Variants in PHACTR1 observed in about 807,000 individuals in gnomAD.
PHACTR1 encodes phosphatase and actin regulator 1, also known as RPEL repeat containing 1.
A neutral mutation model predicts 69.2 loss-of-function variants in PHACTR1; 16 were observed. The observed-to-expected ratio is 0.23, with a 90% confidence interval of 0.16 to 0.35. The LOEUF is 0.35. Among genes scored for constraint, PHACTR1 ranks in the 10% least tolerant of loss-of-function variants. The pLI is 1.00. For synonymous variants in PHACTR1, 312 were observed against 284.5 expected (o/e 1.10, Z -0.97); for missense variants, 510 against 734.7 (o/e 0.69, Z 3.54).
chr6:12,827,410 C>T (rs920084634), intron 4 of PHACTR1, among the ~76,000 whole-genome samples: 9 of 152,156 alleles, frequency 5.9e-5, no homozygotes, highest in Non-Finnish European at 1.3e-4. Context: ...CCTCTTAGAG[C>T]TTACACAAAG....
chr6:13,025,381 C>G (rs1233630457), intron 4 of PHACTR1, among the ~76,000 whole-genome samples: 1 of 152,212 alleles, frequency 6.6e-6, no homozygotes, highest in African/African-American at 2.4e-5. Context: ...CGCCCATATA[C>G]AAACCAGATA....
intron 5 of PHACTR1, among the ~76,000 whole-genome samples, chr6:13,091,801 G>T (rs768303344): frequency 8.6e-5 from 13 of 151,872 alleles, no homozygotes; most frequent in Non-Finnish European, 1.5e-4. Flanking sequence ...AATAGGGTTC[G>T]CAATTCTTTT....
At chr6:13,224,128 G>A (rs1355557442) in intron 8 of PHACTR1, among the ~76,000 whole-genome samples, 1 of 152,210 alleles carries the variant, frequency 6.6e-6, no homozygotes, top group Non-Finnish European at 1.5e-5. Flanking sequence ...CTTTGTGTCA[G>A]GCACGATACT....
intron 5 of PHACTR1, among the ~76,000 whole-genome samples, chr6:13,083,855 T>G (rs1425318344): frequency 6.6e-6 from 1 of 152,144 alleles, no homozygotes; most frequent in Non-Finnish European, 1.5e-5. Context: ...GCTGAGATGA[T>G]GGGGTTTTCT....
chr6:12,934,291 G>A lies in PHACTR1; in HGVS notation c.251-119074G>A, dbSNP rs76536385. 4.9e-4 allele frequency among the ~76,000 whole-genome samples: 75 copies of A among 152,272 alleles called. 3 individuals carry two copies. In the East Asian group the frequency reaches 0.014, roughly 29 times the overall value. ...TAAAGTCACCAGTCAAATTATATTA[G>A]GACCTAACCTAACGACCTTGTTTTA... On this transcript the variant is annotated intron_variant, in intron 4 of 14. Transcript: ENST00000332995.
intron 4 of PHACTR1, among the ~76,000 whole-genome samples, chr6:12,765,773 T>A (rs116496256): frequency 6.6e-6 from 1 of 152,226 alleles, no homozygotes; most frequent in Admixed American, 6.5e-5. Flanking sequence ...TGATTTTTAC[T>A]CATGTTATAT....
rs374028559 is a variant in PHACTR1 at position 13,272,957 on chromosome 6, G to A, written c.1447+42G>A. 2.4e-4 allele frequency: 393 copies of A among 1,609,626 alleles called. 1 individual carries two copies. The highest frequency in any genetic ancestry group is 8.3e-4 in the Middle Eastern group (5 of 6,036). On this transcript the variant is annotated intron_variant, in intron 11 of 14. Coordinates refer to ENST00000332995, the MANE Select transcript of PHACTR1 (RefSeq NM_030948.6). Reference sequence around the variant, plus strand: ...ATGGCAATCCCTGATGTTTTGTGGCGGCTTTTGTTATTATTTAATGGTAGG... The same window carrying A: ...ATGGCAATCCCTGATGTTTTGTGGCAGCTTTTGTTATTATTTAATGGTAGG...
intron 14 of PHACTR1, 149 bp downstream of exon 14, chr6:13,286,371 T>C: frequency 1.5e-6 from 1 of 655,970 alleles, no homozygotes. Flanking sequence ...GGTTCCACTT[T>C]AGGTTACTGA....
At chr6:12,802,882 T>A (rs1773875921) in intron 4 of PHACTR1, among the ~76,000 whole-genome samples, 1 of 152,226 alleles carries the variant, frequency 6.6e-6, no homozygotes, top group South Asian at 2.1e-4. Context: ...CTGCAAGTTT[T>A]GAGTTTGGTT....
chr6:12,972,353 C>G (rs1450871330), intron 4 of PHACTR1, among the ~76,000 whole-genome samples: 3 of 152,214 alleles, frequency 2.0e-5, no homozygotes, highest in African/African-American at 7.2e-5. Context: ...GATTGCCCAG[C>G]ATTAATTCCT....
intron 5 of PHACTR1, among the ~76,000 whole-genome samples, chr6:13,149,284 G>A (rs1034025228): frequency 2.0e-5 from 3 of 152,156 alleles, no homozygotes; most frequent in Non-Finnish European, 4.4e-5. Context: ...CGGTGAAACT[G>A]AGTTACACTG....
chr6:13,280,858 C>T (rs994613191), intron 12 of PHACTR1: 4 of 870,608 alleles, frequency 4.6e-6, no homozygotes, highest in South Asian at 1.4e-5. Context: ...CCAGATGCCC[C>T]GAAGGCTACA....
chr6:12,754,194 C>G (rs1767003855), intron 4 of PHACTR1, among the ~76,000 whole-genome samples: 1 of 144,672 alleles, frequency 6.9e-6, no homozygotes, highest in Non-Finnish European at 1.5e-5. Context: ...AAGATGGTCT[C>G]GATCTCCTGA....
At chr6:13,201,482 C>A (rs527310977) in intron 7 of PHACTR1, among the ~76,000 whole-genome samples, 56 of 152,246 alleles carry the variant, frequency 3.7e-4, no homozygotes, top group African/African-American at 1.1e-3. Flanking sequence ...GGACTTGCAG[C>A]ATGGACTGAG....
chr6:12,983,102 T>C (rs1306331799), intron 4 of PHACTR1, among the ~76,000 whole-genome samples: 1 of 152,226 alleles, frequency 6.6e-6, no homozygotes, highest in Non-Finnish European at 1.5e-5. Flanking sequence ...TTGTTTTTCT[T>C]GTATGACATG....
intron 4 of PHACTR1, among the ~76,000 whole-genome samples, chr6:12,848,918 A>T (rs1247428132): frequency 6.6e-6 from 1 of 151,470 alleles, no homozygotes; most frequent in Non-Finnish European, 1.5e-5. Flanking sequence ...AGGAAATCAG[A>T]CTTTTTTTTT....
chr6:13,053,984 A>C (rs1055698464), intron 5 of PHACTR1, among the ~76,000 whole-genome samples: 16 of 144,018 alleles, frequency 1.1e-4, no homozygotes, highest in Non-Finnish European at 2.5e-4. Context: ...TGGACATAGC[A>C]GGAAAACAAA....
intron 4 of PHACTR1, among the ~76,000 whole-genome samples, chr6:13,042,354 C>T (rs1466524907): frequency 6.6e-6 from 1 of 152,164 alleles, no homozygotes; most frequent in Non-Finnish European, 1.5e-5. Context: ...GAATTTTCTA[C>T]ACTAAGGATC....
chr6:12,890,713 T>C (rs1016818244), intron 4 of PHACTR1, among the ~76,000 whole-genome samples: 13 of 152,154 alleles, frequency 8.5e-5, no homozygotes, highest in Admixed American at 5.9e-4. Context: ...TACTCAGATC[T>C]CCCCTTCTCA....
Sources: allele counts gnomAD v4.1 joint callset (sites outside exome capture counted in the v4.1 genomes callset), GRCh38; gene constraint gnomAD v4.1.1; transcripts MANE v1.5; gene names NCBI Gene and HGNC (gene_info 2026-07-23, HGNC 2026-07-21).